The following MACROD2 variants were observed in gnomAD, a reference collection of about 807,000 sequenced individuals.
MACROD2 encodes the protein ADP-ribose glycohydrolase MACROD2.
Under a neutral mutation model 70.4 loss-of-function variants are expected in MACROD2, and 36 were observed. The observed-to-expected ratio is 0.51, with a 90% CI of 0.39 to 0.68. The LOEUF (loss-of-function observed/expected upper bound fraction) is 0.68, where lower values mean the gene tolerates loss of function less well. MACROD2 is among the 30% of genes least tolerant of loss of function. The pLI, the probability that MACROD2 is intolerant of heterozygous loss-of-function variation, is 0.00. For missense variants in MACROD2, 496 were observed against 538.4 expected (o/e 0.92, Z 0.78); for synonymous variants, 172 against 178.8 (o/e 0.96, Z 0.30).
intron 4 of MACROD2, among the ~76,000 whole-genome samples, chr20:14,634,643 T>C (rs984581618): frequency 6.6e-6 from 1 of 151,606 alleles, no homozygotes; most frequent in Admixed American, 6.6e-5. Context: ...AGAGTTTTAC[T>C]TGAATTGCCT....
intron 15 of MACROD2, among the ~76,000 whole-genome samples, chr20:16,033,499 T>C (rs571072099): frequency 6.1e-4 from 93 of 152,200 alleles, no homozygotes; most frequent in Non-Finnish European, 1.1e-3. Flanking sequence ...TTGAATGATA[T>C]GAAGAGGTGA....
At chr20:15,280,053 A>T (rs186728557) in intron 6 of MACROD2, among the ~76,000 whole-genome samples, 58 of 152,374 alleles carry the variant, frequency 3.8e-4, no homozygotes, top group African/African-American at 1.3e-3. Flanking sequence ...CAAAGCCCAG[A>T]AATCTGAATT....
chr20:14,413,195 GTTT>G (rs11087089), intron 3 of MACROD2, among the ~76,000 whole-genome samples: 1 of 145,318 alleles, frequency 6.9e-6, no homozygotes, highest in African/African-American at 2.5e-5. Flanking sequence ...CTTTACCACT[GTTT>G]TTTTTTTTGT....
At chr20:14,057,898 A>T (rs1194181082) in intron 2 of MACROD2, among the ~76,000 whole-genome samples, 2 of 152,220 alleles carry the variant, frequency 1.3e-5, no homozygotes, top group East Asian at 1.9e-4. Context: ...ACATGAACCG[A>T]TGTTGATCAA....
intron 5 of MACROD2, among the ~76,000 whole-genome samples, chr20:15,013,613 A>G (rs552602258): frequency 6.6e-6 from 1 of 152,236 alleles, no homozygotes; most frequent in Admixed American, 6.5e-5. Context: ...GCAGTTCAGG[A>G]CAACTCTGGA....
intron 5 of MACROD2, among the ~76,000 whole-genome samples, chr20:15,195,429 A>G (rs1313818851): frequency 1.3e-5 from 2 of 152,226 alleles, no homozygotes; most frequent in African/African-American, 2.4e-5. Context: ...AAGGACATGA[A>G]CAGACACCTC....
chr20:14,999,413 C>T (rs1017138852), intron 5 of MACROD2, among the ~76,000 whole-genome samples: 1 of 152,176 alleles, frequency 6.6e-6, no homozygotes, highest in Non-Finnish European at 1.5e-5. Context: ...AATCCCAGCA[C>T]TTTGGGAGGC....
intron 5 of MACROD2, among the ~76,000 whole-genome samples, chr20:14,925,737 C>T (rs983836790): frequency 1.3e-4 from 20 of 152,150 alleles, no homozygotes; most frequent in African/African-American, 4.1e-4. Flanking sequence ...ATCTCTACTG[C>T]GTTCATATGA....
intron 5 of MACROD2, among the ~76,000 whole-genome samples, chr20:14,881,752 T>C (rs1003232759): frequency 6.6e-6 from 1 of 152,120 alleles, no homozygotes; most frequent in African/African-American, 2.4e-5. Flanking sequence ...CTGGCTGAGA[T>C]GCATGTGCCC....
intron 5 of MACROD2, among the ~76,000 whole-genome samples, chr20:14,844,005 A>G (rs764628031): frequency 3.3e-5 from 5 of 152,072 alleles, no homozygotes; most frequent in Admixed American, 6.5e-5. Flanking sequence ...TCCTGCCTCC[A>G]TTAGTTCACT....
chr20:15,786,374 A>T (rs1319662348), intron 8 of MACROD2, among the ~76,000 whole-genome samples: 1 of 152,172 alleles, frequency 6.6e-6, no homozygotes, highest in Non-Finnish European at 1.5e-5. Flanking sequence ...AATTGATGAA[A>T]ATTTTCAATA....
intron 3 of MACROD2, among the ~76,000 whole-genome samples, chr20:14,344,716 TG>T (rs2122673602): frequency 1.3e-5 from 2 of 152,350 alleles, no homozygotes; most frequent in African/African-American, 4.8e-5. Flanking sequence ...TTCATTCTTA[TG>T]TTCAAAGTTG....
At chr20:15,180,039 C>T (rs2076489499) in intron 5 of MACROD2, among the ~76,000 whole-genome samples, 1 of 152,190 alleles carries the variant, frequency 6.6e-6, no homozygotes. Context: ...CTTTGTGCAC[C>T]TGTGCCCCTG....
At chr20:15,990,753 A>G (rs1427087243) in intron 15 of MACROD2, among the ~76,000 whole-genome samples, 3 of 152,186 alleles carry the variant, frequency 2.0e-5, no homozygotes, top group Non-Finnish European at 4.4e-5. Flanking sequence ...ACCTTGAGAC[A>G]TAGTGTACAG....
intron 3 of MACROD2, among the ~76,000 whole-genome samples, chr20:14,369,725 A>G (rs1327715310): frequency 6.6e-6 from 1 of 152,096 alleles, no homozygotes; most frequent in East Asian, 1.9e-4. Flanking sequence ...CTCTTATTTA[A>G]TTATTTGCAT....
chr20:14,741,709 A>G (rs1156718651), intron 5 of MACROD2, among the ~76,000 whole-genome samples: 1 of 152,272 alleles, frequency 6.6e-6, no homozygotes, highest in Admixed American at 6.5e-5. Context: ...AACAGGTTGT[A>G]TGATGCTTAT....
At chr20:14,232,945 A>G (rs1261739431) in intron 3 of MACROD2, among the ~76,000 whole-genome samples, 1 of 152,226 alleles carries the variant, frequency 6.6e-6, no homozygotes. Context: ...TCTTTCTTTC[A>G]GTTGAACACT....
intron 8 of MACROD2, among the ~76,000 whole-genome samples, chr20:15,737,859 AATGGATGGATGG>A (rs74175640): frequency 1.5e-4 from 22 of 149,830 alleles, no homozygotes; most frequent in East Asian, 4.0e-4. Flanking sequence ...TAAATAAATC[AATGGATGGATGG>A]ATGGATGGAT....
At chr20:15,243,904 C>A (rs886314818) in intron 6 of MACROD2, among the ~76,000 whole-genome samples, 2 of 151,218 alleles carry the variant, frequency 1.3e-5, no homozygotes, top group Non-Finnish European at 2.9e-5. Flanking sequence ...CCAGCCTGGG[C>A]GACAGAGCGA....
Sources: gnomAD v4.1 joint callset for allele counts (sites outside exome capture counted in the v4.1 genomes callset) on GRCh38, gnomAD v4.1.1 for gene constraint, MANE v1.5 for transcripts, NCBI Gene and HGNC (gene_info 2026-07-23, HGNC 2026-07-21) for gene names.